The following SH3RF2 variants were observed in gnomAD, a reference collection of about 807,000 sequenced individuals.
SH3RF2 encodes SH3 domain containing ring finger 2.
Under a neutral mutation model 59.0 loss-of-function variants are expected in SH3RF2, and 43 were observed. The ratio of observed to expected loss-of-function variants is 0.73; its 90% CI spans 0.57 to 0.94. SH3RF2 has a LOEUF of 0.94. SH3RF2 is among the 40% of genes least tolerant of loss of function. SH3RF2 has a pLI of 0.00. For synonymous variants in SH3RF2, 391 were observed against 391.5 expected (o/e 1.00, Z 0.01); for missense variants, 930 against 940.1 (o/e 0.99, Z 0.14).
intron 7 of SH3RF2, among the ~76,000 whole-genome samples, chr5:146,051,249 C>G (rs1192302990): frequency 6.6e-6 from 1 of 152,102 alleles, no homozygotes; most frequent in Non-Finnish European, 1.5e-5. Flanking sequence ...AATGGGGTAG[C>G]CAGGTCATAA....
chr5:146,002,529 G>GAAGGAAGA (rs1561734997), intron 3 of SH3RF2, among the ~76,000 whole-genome samples: 16 of 144,226 alleles, frequency 1.1e-4, no homozygotes, highest in African/African-American at 4.3e-4. Context: ...AGGAAGGAAG[G>GAAGGAAGA]AAGGAAGGAT....
At chr5:146,016,365 TGGA>T (rs1339727741) in intron 5 of SH3RF2, among the ~76,000 whole-genome samples, 4,431 of 150,404 alleles carry the variant, frequency 0.029, 232 homozygotes, top group African/African-American at 0.1. Flanking sequence ...GATGGATGGA[TGGA>T]TGGATGGATG....
intron 9 of SH3RF2, among the ~76,000 whole-genome samples, chr5:146,069,957 A>G (rs1763196763): frequency 6.9e-6 from 1 of 144,030 alleles, no homozygotes; most frequent in South Asian, 2.3e-4. Flanking sequence ...AGATCACAAA[A>G]CTAGTTTGAG....
chr5:146,062,875 G>A lies in SH3RF2; in HGVS notation c.*174G>A, dbSNP rs1464201433. ...CAGAAATTCCTGCCCTGGGTGGGAG[G>A]ATAGATGGCGTGGCCTTCCAAACAT... is the stretch of plus-strand genomic sequence containing the variant. On this transcript the variant is annotated 3_prime_UTR_variant, in exon 10 of 10. Transcript: ENST00000359120. 1.2e-6 allele frequency: 1 copy of A among 805,902 alleles called. No individual in the cohort carries two copies. Among genetic ancestry groups the A allele is most frequent in the African/African-American group, 1.7e-5 (1 of 57,824 alleles). 49.9% of individuals were successfully genotyped at this position (805,902 alleles called of 1,614,324 possible).
chr5:145,938,197 G>C lies in SH3RF2; in HGVS notation c.269G>C (p.Arg90Thr). Residue 90 changes from arginine (R) to threonine (T), a missense_variant, in exon 2 of 10, where the codon AGG becomes ACG. Physicochemically the swap from Arg to Thr is moderately conservative, Grantham distance 71. Coordinates refer to ENST00000359120, the MANE Select transcript of SH3RF2 (RefSeq NM_152550.4). Reference protein sequence around the residue: ...QSSGRGGSFRRPGTMTLQDGR... With the variant: ...QSSGRGGSFRTPGTMTLQDGR... ...TCCGGGAGAGGGGGCTCCTTCCGCA[G>C]GCCTGGCACGATGACCTTGCAGGAT... is the stretch of plus-strand genomic sequence containing the variant. 1 of 1,613,756 alleles carries C rather than the reference G, an allele frequency of 6.2e-7. No individual in the cohort carries two copies. Among genetic ancestry groups the C allele is most frequent in the Non-Finnish European group, 8.5e-7 (1 of 1,180,016 alleles).
At position 146,062,506 on chromosome 5, in the gene SH3RF2, T is replaced by G; in HGVS notation, c.1995T>G (p.Pro665=). ...HYTSHPTSGK[P]EQPATLKASQ... ...CCTCCCATCCCACCTCCGGAAAGCC[T>G]GAACAGCCAGCCACCCTCAAGGCGT... The change falls in exon 10 of 10, where the codon CCT becomes CCG. Residue 665 remains proline, a synonymous_variant. Coordinates refer to ENST00000359120, the MANE Select transcript of SH3RF2 (RefSeq NM_152550.4). 8 of 1,614,152 alleles carry G rather than the reference T, an allele frequency of 5.0e-6. No homozygotes were observed. The highest frequency in any genetic ancestry group is 6.8e-6 in the Non-Finnish European group (8 of 1,180,008).
chr5:145,970,160 A>G lies in SH3RF2; in HGVS notation c.379-29898A>G, dbSNP rs149704736. Reference sequence around the variant, plus strand: ...TTCAATCGTTTTTGGAGAACAGGTGATTTTTGTTAATTGGATAATTTCTTT... The same window carrying G: ...TTCAATCGTTTTTGGAGAACAGGTGGTTTTTGTTAATTGGATAATTTCTTT... On this transcript the variant is annotated intron_variant, in intron 2 of 9. Transcript: ENST00000359120. Among the ~76,000 whole-genome samples the G allele has an allele frequency of 1.6e-4, 24 of 150,746 alleles. No individual in the cohort carries two copies. The East Asian group carries it at 4.7e-3, about 29-fold the overall frequency.
intron 5 of SH3RF2, among the ~76,000 whole-genome samples, chr5:146,042,407 A>G (rs1302239130): frequency 6.6e-6 from 1 of 152,254 alleles, no homozygotes; most frequent in African/African-American, 2.4e-5. Context: ...TGTGCTAAAT[A>G]GTTTATATGG....
At chr5:145,945,619 G>C (rs1757980055) in intron 2 of SH3RF2, among the ~76,000 whole-genome samples, 1 of 152,170 alleles carries the variant, frequency 6.6e-6, no homozygotes, top group African/African-American at 2.4e-5. Flanking sequence ...TGTGGACCTA[G>C]AAAAGGCAGG....
At chr5:146,041,670 T>C (rs35821941) in intron 5 of SH3RF2, among the ~76,000 whole-genome samples, 52,175 of 152,116 alleles carry the variant, frequency 0.34, 9,315 homozygotes, top group Non-Finnish European at 0.39. Flanking sequence ...CAGTGGCTCA[T>C]GCTTGTAATC....
chr5:146,069,929 G>C (rs921750194), intron 9 of SH3RF2, among the ~76,000 whole-genome samples: 7 of 146,572 alleles, frequency 4.8e-5, no homozygotes, highest in Non-Finnish European at 3.0e-5. Context: ...GACTCAGAAT[G>C]TTTCAATTCC....
At chr5:146,018,084 C>CT (rs1202928506) in intron 5 of SH3RF2, among the ~76,000 whole-genome samples, 1 of 152,054 alleles carries the variant, frequency 6.6e-6, no homozygotes, top group Non-Finnish European at 1.5e-5. Flanking sequence ...TTTTCTTAGT[C>CT]TTTTTTTAAT....
chr5:145,981,552 A>G (rs948943339), intron 2 of SH3RF2, among the ~76,000 whole-genome samples: 1 of 151,978 alleles, frequency 6.6e-6, no homozygotes, highest in African/African-American at 2.4e-5. Context: ...TTTATTAGAG[A>G]GATTGGGTCA....
chr5:145,991,332 G>A (rs760136421), intron 2 of SH3RF2, among the ~76,000 whole-genome samples: 12 of 152,210 alleles, frequency 7.9e-5, no homozygotes, highest in Non-Finnish European at 1.6e-4. Context: ...GCATATGAAT[G>A]AGATAATACA....
At chr5:145,965,247 A>T (rs977168118) in intron 2 of SH3RF2, among the ~76,000 whole-genome samples, 6 of 151,926 alleles carry the variant, frequency 3.9e-5, no homozygotes, top group African/African-American at 1.2e-4. Context: ...TCAGTCACCC[A>T]CTGCAATTTT....
At chr5:146,044,417 G>A (rs558212563) in intron 5 of SH3RF2, among the ~76,000 whole-genome samples, 11 of 152,172 alleles carry the variant, frequency 7.2e-5, no homozygotes, top group Admixed American at 7.2e-4. Flanking sequence ...CCAAAGTGCT[G>A]GTTGGTCTTT....
chr5:146,026,544 T>C (rs947746173), intron 5 of SH3RF2, among the ~76,000 whole-genome samples: 1 of 152,156 alleles, frequency 6.6e-6, no homozygotes, highest in Non-Finnish European at 1.5e-5. Flanking sequence ...ATTTAATGAA[T>C]CATGGTTATT....
At chr5:145,997,238 G>A (rs1034352113) in intron 2 of SH3RF2, 127 of 890,316 alleles carry the variant, frequency 1.4e-4, no homozygotes, top group Admixed American at 2.1e-4. Flanking sequence ...TGACAACCAT[G>A]CCTGCAAGTC....
At chr5:145,976,299 T>C in intron 2 of SH3RF2, among the ~76,000 whole-genome samples, 1 of 152,136 alleles carries the variant, frequency 6.6e-6, no homozygotes, top group East Asian at 1.9e-4. Flanking sequence ...TGTAAAATGG[T>C]TGTAATACCT....
Sources: allele counts gnomAD v4.1 joint callset (sites outside exome capture counted in the v4.1 genomes callset), GRCh38; gene constraint gnomAD v4.1.1; transcripts MANE v1.5; gene names NCBI Gene and HGNC (gene_info 2026-07-23, HGNC 2026-07-21).